CSGALNACT2: variants seen among roughly 807,000 people sequenced by gnomAD.
The protein encoded by CSGALNACT2 is beta 4 GalNAcT-2.
In CSGALNACT2, 35 loss-of-function variants were observed where a neutral mutation model predicts 55.3. That is an observed-to-expected ratio of 0.63 (90% CI 0.48 to 0.84). CSGALNACT2 has a LOEUF of 0.84. CSGALNACT2 is among the 40% of genes least tolerant of loss of function. The pLI, the probability that CSGALNACT2 is intolerant of heterozygous loss-of-function variation, is 0.00. For missense variants in CSGALNACT2, 544 were observed against 657.5 expected (o/e 0.83, Z 1.89); for synonymous variants, 196 against 224.9 (o/e 0.87, Z 1.15).
chr10:43,156,618 A>G (rs146948766), intron 2 of CSGALNACT2, among the ~76,000 whole-genome samples: 112 of 152,300 alleles, frequency 7.4e-4, no homozygotes, highest in East Asian at 2.1e-3. Flanking sequence ...ATGGGTGACA[A>G]TTTTTCCATG....
At chr10:43,158,244 G>GTCTCCTTCACTAGACTGGC (rs1839061683) in intron 2 of CSGALNACT2, among the ~76,000 whole-genome samples, 1 of 151,476 alleles carries the variant, frequency 6.6e-6, no homozygotes, top group African/African-American at 2.4e-5. Context: ...CTATTTTTCT[G>GTCTCCTTCACTAGACTGGC]TCTCCTTCAC....
At chr10:43,181,700 C>T (rs1020756418) in intron 7 of CSGALNACT2, among the ~76,000 whole-genome samples, 1 of 150,556 alleles carries the variant, frequency 6.6e-6, no homozygotes, top group African/African-American at 2.5e-5. Context: ...ATCACTTGAG[C>T]CCAGGAGATG....
intron 7 of CSGALNACT2, among the ~76,000 whole-genome samples, chr10:43,180,428 G>A (rs942277623): frequency 2.0e-5 from 3 of 151,764 alleles, no homozygotes; most frequent in Admixed American, 6.6e-5. Context: ...CATTTATTTC[G>A]CAGTGTTTTT....
intron 1 of CSGALNACT2, among the ~76,000 whole-genome samples, chr10:43,138,888 A>G (rs954435353): frequency 6.6e-6 from 1 of 152,130 alleles, no homozygotes; most frequent in African/African-American, 2.4e-5. Flanking sequence ...CATCGCGTTA[A>G]AATAGTTCTG....
chr10:43,179,735 A>G (rs886212912), intron 7 of CSGALNACT2, among the ~76,000 whole-genome samples: 1 of 152,076 alleles, frequency 6.6e-6, no homozygotes, highest in Non-Finnish European at 1.5e-5. Flanking sequence ...TTCAGACCCC[A>G]GGAGGTATAT....
At chr10:43,164,182 T>A in intron 5 of CSGALNACT2, 138 bp downstream of exon 5, 3 of 650,324 alleles carry the variant, frequency 4.6e-6, no homozygotes, top group Non-Finnish European at 7.5e-6. Context: ...TAGGCATAAT[T>A]TAACTGGAAT....
In CSGALNACT2 at chr10:43,183,397, C is replaced by G. The variant is rs1839629563; in HGVS notation, c.1484C>G (p.Thr495Ser). ...WHEKRCADELTPEQYRMCIQS... is the reference protein window; with the variant it reads ...WHEKRCADELSPEQYRMCIQS... ...GAAAAGCGCTGTGCTGATGAGCTGA[C>G]CCCCGAGCAGTACCGCATGTGCATC... The change falls in exon 8 of 8, where the codon ACC (threonine) becomes AGC (serine). Residue 495 changes from threonine (T) to serine (S), a missense_variant. Coordinates refer to ENST00000374466, the MANE Select transcript of CSGALNACT2 (RefSeq NM_018590.5). 1 of 1,614,144 alleles carries G rather than the reference C, an allele frequency of 6.2e-7. No individual in the cohort carries two copies. Among genetic ancestry groups the G allele is most frequent in the Non-Finnish European group, 8.5e-7 (1 of 1,180,036 alleles).
chr10:43,163,136 A>G, intron 4 of CSGALNACT2: 2 of 985,138 alleles, frequency 2.0e-6, no homozygotes, highest in Non-Finnish European at 2.4e-6. Context: ...TGACCTTTAC[A>G]CTCACCACTG....
intron 4 of CSGALNACT2, chr10:43,162,450 G>A (rs1839172630): frequency 1.0e-6 from 1 of 985,412 alleles, no homozygotes; most frequent in Non-Finnish European, 1.2e-6. Flanking sequence ...AGAGTGAGGG[G>A]TATTCTGTGA....
At chr10:43,162,657 C>G (rs981359614) in intron 4 of CSGALNACT2, 1 of 985,268 alleles carries the variant, frequency 1.0e-6, no homozygotes, top group African/African-American at 1.7e-5. Context: ...TGTAATCCTC[C>G]TAAAATGTTA....
Position 43,160,599 on chromosome 10 carries a change from G to A in CSGALNACT2, c.980+4G>A, listed in dbSNP as rs756039500. ...CTATCCTAGAATCTGTCACCAGGTTGGTGAACCACATCTGCAGTGAAGGCC... is the reference window on the plus strand; with the variant it reads ...CTATCCTAGAATCTGTCACCAGGTTAGTGAACCACATCTGCAGTGAAGGCC... On this transcript the variant is annotated splice_donor_region_variant and intron_variant, in intron 4 of 7. Coordinates refer to ENST00000374466, the MANE Select transcript of CSGALNACT2 (RefSeq NM_018590.5). 4 of 1,364,466 alleles carry A rather than the reference G, an allele frequency of 2.9e-6. No homozygotes were observed. In the African/African-American group the frequency reaches 5.7e-5, roughly 20 times the overall value. The allele number at this position is 1,364,466 out of a possible 1,614,324, so 84.5% of individuals were successfully genotyped here. A position where few individuals can be genotyped will look rare whatever the true frequency, so the allele number is the denominator to read the frequency against.
intron 4 of CSGALNACT2, chr10:43,162,830 C>T: frequency 1.1e-6 from 1 of 938,942 alleles, no homozygotes; most frequent in Non-Finnish European, 1.3e-6. Flanking sequence ...AACATGTTAA[C>T]ACAGGAAGCT....
intron 6 of CSGALNACT2, among the ~76,000 whole-genome samples, chr10:43,172,194 C>G (rs1839396177): frequency 6.6e-6 from 1 of 152,074 alleles, no homozygotes; most frequent in Admixed American, 6.6e-5. Context: ...ACATTAAAAG[C>G]AAGCAAAACT....
chr10:43,171,052 A>G (rs991195484), intron 6 of CSGALNACT2, among the ~76,000 whole-genome samples: 1 of 152,246 alleles, frequency 6.6e-6, no homozygotes, highest in East Asian at 1.9e-4. Context: ...AATAGAAAAA[A>G]AAGACAGTAA....
At chr10:43,172,428 C>G (rs757021184) in intron 6 of CSGALNACT2, among the ~76,000 whole-genome samples, 4 of 152,058 alleles carry the variant, frequency 2.6e-5, no homozygotes, top group Non-Finnish European at 5.9e-5. Flanking sequence ...TCTGTTTTGC[C>G]TACACATTAA....
At chr10:43,162,299 C>A in intron 4 of CSGALNACT2, 1 of 651,578 alleles carries the variant, frequency 1.5e-6, no homozygotes, top group Non-Finnish European at 2.6e-6. Flanking sequence ...TCTCCCAGCT[C>A]CAGTTGAGAA....
intron 1 of CSGALNACT2, among the ~76,000 whole-genome samples, chr10:43,145,471 C>T (rs1201880483): frequency 7.3e-6 from 1 of 136,426 alleles, no homozygotes; most frequent in Non-Finnish European, 1.5e-5. Context: ...GCGATCGTAG[C>T]TCACTGCAGC....
At chr10:43,147,401 C>T (rs1838781409) in intron 1 of CSGALNACT2, among the ~76,000 whole-genome samples, 2 of 152,142 alleles carry the variant, frequency 1.3e-5, no homozygotes, top group African/African-American at 2.4e-5. Context: ...CTTTATAAGA[C>T]GCATGCTTTG....
At chr10:43,152,517 C>G (rs766839799) in intron 1 of CSGALNACT2, among the ~76,000 whole-genome samples, 1 of 152,114 alleles carries the variant, frequency 6.6e-6, no homozygotes, top group Non-Finnish European at 1.5e-5. Flanking sequence ...CTGTATTTCC[C>G]TTAAAGGGAA....
Sources: gnomAD v4.1 joint callset for allele counts (sites outside exome capture counted in the v4.1 genomes callset) on GRCh38, gnomAD v4.1.1 for gene constraint, MANE v1.5 for transcripts, NCBI Gene and HGNC (gene_info 2026-07-23, HGNC 2026-07-21) for gene names.